CYP2J2: variants seen among roughly 807,000 people sequenced by gnomAD.
CYP2J2 encodes cytochrome P450 2J2.
A neutral mutation model predicts 48.8 loss-of-function variants in CYP2J2; 41 were observed. That is an observed-to-expected ratio of 0.84 (90% CI 0.66 to 1.09). The LOEUF (loss-of-function observed/expected upper bound fraction) is 1.09. Among genes scored for constraint, CYP2J2 ranks in the 50% least tolerant of loss-of-function variants. CYP2J2 has a pLI of 0.00. For synonymous variants in CYP2J2, 221 were observed against 227.1 expected (o/e 0.97, Z 0.24); for missense variants, 644 against 617.3 (o/e 1.04, Z -0.46).
the CYP2J2 span, among the ~76,000 whole-genome samples, chr1:59,953,736 G>C: frequency 6.6e-6 from 1 of 152,062 alleles, no homozygotes; most frequent in Non-Finnish European, 1.5e-5. Flanking sequence ...AAGTGTTTTC[G>C]GTGTGGCAAA....
chr1:59,950,477 A>G, the CYP2J2 span, among the ~76,000 whole-genome samples: 1 of 152,128 alleles, frequency 6.6e-6, no homozygotes, highest in African/African-American at 2.4e-5. Flanking sequence ...CAGCTTTCCA[A>G]GTGGATGGGT....
chr1:59,936,139 G>C, the CYP2J2 span, among the ~76,000 whole-genome samples: 1 of 152,008 alleles, frequency 6.6e-6, no homozygotes. Context: ...TGTCATAATG[G>C]GCCTTTTTAC....
chr1:59,962,825 T>C, the CYP2J2 span, among the ~76,000 whole-genome samples: 2 of 152,168 alleles, frequency 1.3e-5, no homozygotes, highest in African/African-American at 4.8e-5. Flanking sequence ...GTGCATGACA[T>C]CTGGCTCTAC....
the CYP2J2 span, among the ~76,000 whole-genome samples, chr1:59,934,669 C>G: frequency 6.6e-6 from 1 of 151,870 alleles, no homozygotes; most frequent in African/African-American, 2.4e-5. Flanking sequence ...TCACCTCATA[C>G]ATGTTAAGAT....
Position 59,893,712 on chromosome 1 carries a change from A to C in CYP2J2, c.1448T>G (p.Phe483Cys). Residue 483 changes from phenylalanine (F) to cysteine (C), a missense_variant, in exon 9 of 9, where the codon TTT becomes TGT. Physicochemically the swap from Phe to Cys is radical, Grantham distance 205. Coordinates refer to ENST00000371204, the MANE Select transcript of CYP2J2 (RefSeq NM_000775.4). ...TGGGGAAATGGTGATACCCATTCTA[A>C]ACTTCAGGCTCAGCTTCTCATTGTT... ...PPNNEKLSLKFRMGITISPVS... is the reference protein window; with the variant it reads ...PPNNEKLSLKCRMGITISPVS... 1 of 1,613,556 alleles carries C rather than the reference A, an allele frequency of 6.2e-7. No homozygotes were observed. The highest frequency in any genetic ancestry group is 1.1e-5 in the South Asian group (1 of 90,820).
At chr1:59,936,672 G>GT in the CYP2J2 span, among the ~76,000 whole-genome samples, 1 of 151,922 alleles carries the variant, frequency 6.6e-6, no homozygotes, top group Non-Finnish European at 1.5e-5. Flanking sequence ...ATTTACTTTT[G>GT]TTTTTTTCCC....
rs778211943 is a variant in CYP2J2 at position 59,916,074 on chromosome 1, A to G, written c.237T>C (p.Phe79=). ...CAGATATGTCACCAAGCTCCAAGCT[A>G]AAAAGGTTCCCATATTTCTTCACAA... is the stretch of plus-strand genomic sequence containing the variant. The part of the protein sequence containing the change: ...QLFVKKYGNL[F]SLELGDISAV... The change falls in exon 2 of 9, where the codon TTT becomes TTC. Residue 79 remains phenylalanine, a synonymous_variant. Transcript: ENST00000371204. 1.9e-6 allele frequency: 3 copies of G among 1,611,094 alleles called. No individual in the cohort carries two copies. The highest frequency in any genetic ancestry group is 3.4e-5 in the Admixed American group (2 of 59,426).
intron 8 of CYP2J2, among the ~76,000 whole-genome samples, chr1:59,896,049 A>G (rs1644265841): frequency 6.6e-6 from 1 of 152,100 alleles, no homozygotes; most frequent in South Asian, 2.1e-4. Context: ...ATATTTCCTG[A>G]CTTTGGGCAC....
chr1:59,914,011 TC>T (rs1644442501), intron 2 of CYP2J2, among the ~76,000 whole-genome samples: 1 of 152,210 alleles, frequency 6.6e-6, no homozygotes, highest in Non-Finnish European at 1.5e-5. Flanking sequence ...AAGTTCCCTG[TC>T]CTTTTCATTT....
In CYP2J2 at chr1:59,926,718, G is replaced by T. The variant is rs146801076; in HGVS notation, c.29C>A (p.Ala10Asp). The stretch of plus-strand genomic sequence containing the variant: ...AGGATGGACCACTGCCCAGAGGGCA[G>T]CCGCCAGAGAGCCCATCGCCGCGAG... MLAAMGSLA[A>D]ALWAVVHPRT... The change falls in exon 1 of 9, where the codon GCT becomes GAT. Residue 10 changes from alanine to aspartate, a missense_variant. Ala to Asp is a moderately radical substitution (Grantham distance 126, BLOSUM62 -2). Coordinates refer to ENST00000371204, the MANE Select transcript of CYP2J2 (RefSeq NM_000775.4). 306 of 1,613,104 alleles carry T rather than the reference G, an allele frequency of 1.9e-4. No homozygotes were observed. The African/African-American group carries it at 3.0e-3, about 16-fold the overall frequency.
At chr1:59,940,177 G>A in the CYP2J2 span, among the ~76,000 whole-genome samples, 1 of 152,198 alleles carries the variant, frequency 6.6e-6, no homozygotes, top group African/African-American at 2.4e-5. Flanking sequence ...CTGGGAATTT[G>A]CTAAGTCTCT....
chr1:59,894,600 T>C lies in CYP2J2; in HGVS notation c.1331-771A>G, dbSNP rs146826149. 1.5e-3 allele frequency among the ~76,000 whole-genome samples: 229 copies of C among 152,256 alleles called. 1 individual carries two copies. Among genetic ancestry groups the C allele is most frequent in the African/African-American group, 5.2e-3 (214 of 41,550 alleles). On this transcript the variant is annotated intron_variant, in intron 8 of 8. Coordinates refer to ENST00000371204, the MANE Select transcript of CYP2J2 (RefSeq NM_000775.4). ...ATTGGGGCAAATTAAACAACCTCTC[T>C]AGGAATCAGTGAAAATGTACATTGT...
At chr1:59,910,158 C>A (rs532517927) in intron 4 of CYP2J2, among the ~76,000 whole-genome samples, 198 bp from the exon 5 acceptor site, 64 of 152,058 alleles carry the variant, frequency 4.2e-4, no homozygotes, top group Non-Finnish European at 7.1e-4. Context: ...CAGCCTTGGA[C>A]CATTTCTCAC....
chr1:59,896,318 T>C (rs192901657), intron 8 of CYP2J2, among the ~76,000 whole-genome samples: 59 of 143,616 alleles, frequency 4.1e-4, no homozygotes, highest in Middle Eastern at 3.5e-3. Flanking sequence ...TATATATATA[T>C]ACACACCAAG....
At position 59,893,316 on chromosome 1, in the gene CYP2J2, G is replaced by C. The variant is rs951495999; in HGVS notation, c.*335C>G. 5.0e-6 allele frequency: 1 copy of C among 198,198 alleles called. No homozygotes were observed. The highest frequency in any genetic ancestry group is 1.0e-5 in the Non-Finnish European group (1 of 98,998). The allele number at this position is 198,198 out of a possible 1,614,324, so 12.3% of individuals were successfully genotyped here. A position where few individuals can be genotyped will look rare whatever the true frequency, so the allele number is the denominator to read the frequency against. ...GCAGGAAGGAGGCACACTATAGATAGAACTTTTATGATGTGTTTTATGGTT... is the reference window on the plus strand; with the variant it reads ...GCAGGAAGGAGGCACACTATAGATACAACTTTTATGATGTGTTTTATGGTT... On this transcript the variant is annotated 3_prime_UTR_variant, in exon 9 of 9. Coordinates refer to ENST00000371204, the MANE Select transcript of CYP2J2 (RefSeq NM_000775.4).
chr1:59,949,363 G>A, the CYP2J2 span, among the ~76,000 whole-genome samples: 1 of 152,118 alleles, frequency 6.6e-6, no homozygotes, highest in Admixed American at 6.6e-5. Flanking sequence ...TCCTAGAATT[G>A]ACTGCTTCCT....
Position 59,907,885 on chromosome 1 carries a change from T to C in CYP2J2, c.904A>G (p.Ile302Val). 1 of 1,613,422 alleles carries C rather than the reference T, an allele frequency of 6.2e-7. No homozygotes were observed. Among genetic ancestry groups the C allele is most frequent in the Non-Finnish European group, 8.5e-7 (1 of 1,179,304 alleles). ...AAGAAGAGGTCCAGGGTGCTGCAGATGAGGTTTTCTTCATGGAAACTTGAA... is the reference window on the plus strand; with the variant it reads ...AAGAAGAGGTCCAGGGTGCTGCAGACGAGGTTTTCTTCATGGAAACTTGAA... ...PTSSFHEENL[I>V]CSTLDLFFAG... The change falls in exon 6 of 9, where the codon ATC becomes GTC. Residue 302 changes from isoleucine (I) to valine (V), a missense_variant. Ile to Val is a conservative substitution (Grantham distance 29). Coordinates refer to ENST00000371204, the MANE Select transcript of CYP2J2 (RefSeq NM_000775.4).
the CYP2J2 span, among the ~76,000 whole-genome samples, chr1:59,962,035 T>C: frequency 6.6e-6 from 1 of 151,888 alleles, no homozygotes; most frequent in African/African-American, 2.4e-5. Context: ...GTTCTAAAAA[T>C]AGATTATGGT....
At chr1:59,905,280 T>C (rs563180593) in intron 6 of CYP2J2, among the ~76,000 whole-genome samples, 19 of 152,312 alleles carry the variant, frequency 1.2e-4, no homozygotes, top group Non-Finnish European at 1.8e-4. Context: ...CCAGGATTAA[T>C]ATGGCTAAAC....
Sources: gnomAD v4.1 joint callset for allele counts (sites outside exome capture counted in the v4.1 genomes callset) on GRCh38, gnomAD v4.1.1 for gene constraint, MANE v1.5 for transcripts, NCBI Gene and HGNC (gene_info 2026-07-23, HGNC 2026-07-21) for gene names.